APBB2: variants seen among roughly 807,000 people sequenced by gnomAD.
APBB2 encodes Fe65-like 1.
A neutral mutation model predicts 82.5 loss-of-function variants in APBB2; 38 were observed. The ratio of observed to expected loss-of-function variants is 0.46; its 90% confidence interval spans 0.36 to 0.60. The LOEUF is 0.60. Among genes scored for constraint, APBB2 ranks in the 20% least tolerant of loss-of-function variants. The pLI, the probability that APBB2 is intolerant of heterozygous loss-of-function variation, is 0.00. For missense variants in APBB2, 772 were observed against 972.3 expected, an observed-to-expected ratio of 0.79 and a Z score of 2.74; for synonymous variants, 341 against 368.2, an observed-to-expected ratio of 0.93 and a Z score of 0.85.
intron 7 of APBB2, 99 bp from the exon 8 acceptor site, chr4:40,935,238 G>T: frequency 1.1e-6 from 1 of 893,046 alleles, no homozygotes; most frequent in Non-Finnish European, 1.7e-6. Context: ...TGTTAGCATT[G>T]ATATTCACAA....
chr4:41,015,421 C>A (rs1319809954), intron 5 of APBB2, among the ~76,000 whole-genome samples: 1 of 152,170 alleles, frequency 6.6e-6, no homozygotes, highest in Admixed American at 6.5e-5. Flanking sequence ...ACCTCAGCAG[C>A]AGATGAACCA....
chr4:41,049,358 C>CAGCCAGCCCCCG (rs1724915071), intron 4 of APBB2, among the ~76,000 whole-genome samples: 2 of 149,502 alleles, frequency 1.3e-5, no homozygotes, highest in East Asian at 2.0e-4. Flanking sequence ...GGCAGCCGCC[C>CAGCCAGCCCCCG]CGTCCGGGAG....
chr4:40,911,062 G>A (rs1207833299), intron 10 of APBB2, among the ~76,000 whole-genome samples: 1 of 152,200 alleles, frequency 6.6e-6, no homozygotes, highest in Non-Finnish European at 1.5e-5. Context: ...ACCTTCCCCT[G>A]TGTCTTGGCT....
intron 4 of APBB2, among the ~76,000 whole-genome samples, chr4:41,043,361 C>T (rs1250437931): frequency 6.6e-6 from 1 of 151,892 alleles, no homozygotes; most frequent in Non-Finnish European, 1.5e-5. Context: ...AAGATATTTA[C>T]TAAATAACAC....
chr4:41,054,751 A>T (rs1727238694), intron 4 of APBB2, among the ~76,000 whole-genome samples: 1 of 151,868 alleles, frequency 6.6e-6, no homozygotes, highest in Non-Finnish European at 1.5e-5. Context: ...GTTGCTGTGA[A>T]CTCTGATCAC....
At chr4:41,036,197 T>C (rs1273216975) in intron 4 of APBB2, among the ~76,000 whole-genome samples, 3 of 152,110 alleles carry the variant, frequency 2.0e-5, no homozygotes, top group Non-Finnish European at 4.4e-5. Context: ...CAGGAGGATG[T>C]TGCATAGATT....
intron 10 of APBB2, among the ~76,000 whole-genome samples, chr4:40,933,209 C>A (rs1332667507): frequency 6.6e-6 from 1 of 152,154 alleles, no homozygotes; most frequent in African/African-American, 2.4e-5. Context: ...ATCCCTCAGG[C>A]ATGGGGATAC....
intron 10 of APBB2, among the ~76,000 whole-genome samples, chr4:40,928,913 CGAACGAATGAAT>C (rs922113004): frequency 6.7e-6 from 1 of 149,488 alleles, no homozygotes; most frequent in Non-Finnish European, 1.5e-5. Context: ...AATGAATGAA[CGAACGAATGAAT>C]ACATGCATAG....
chr4:41,031,256 AAATT>A (rs1319212072), intron 5 of APBB2, among the ~76,000 whole-genome samples: 1 of 151,020 alleles, frequency 6.6e-6, no homozygotes, highest in East Asian at 1.9e-4. Flanking sequence ...ATAAATAAAT[AAATT>A]CTGGCATGTT....
intron 6 of APBB2, among the ~76,000 whole-genome samples, chr4:40,972,015 G>A (rs1363409943): frequency 5.3e-5 from 8 of 151,998 alleles, no homozygotes; most frequent in Admixed American, 3.9e-4. Flanking sequence ...CTCTAACATC[G>A]AACAAAAGTG....
At chr4:41,205,619 T>A (rs1298971734) in intron 1 of APBB2, among the ~76,000 whole-genome samples, 1 of 152,170 alleles carries the variant, frequency 6.6e-6, no homozygotes, top group Non-Finnish European at 1.5e-5. Flanking sequence ...CACCAAAGCA[T>A]ACTTACAGGT....
At chr4:41,075,066 G>A (rs537559817) in intron 3 of APBB2, among the ~76,000 whole-genome samples, 2 of 152,124 alleles carry the variant, frequency 1.3e-5, no homozygotes, top group South Asian at 2.1e-4. Context: ...CCAGGAGGGC[G>A]ATGCTGCAAT....
chr4:41,168,553 T>C (rs532943628), intron 1 of APBB2, among the ~76,000 whole-genome samples: 2 of 152,176 alleles, frequency 1.3e-5, no homozygotes, highest in South Asian at 4.2e-4. Flanking sequence ...TATAACTTTG[T>C]TTTCCTAGTA....
At chr4:41,078,222 G>T (rs942079766) in intron 3 of APBB2, among the ~76,000 whole-genome samples, 1 of 151,860 alleles carries the variant, frequency 6.6e-6, no homozygotes, top group African/African-American at 2.4e-5. Context: ...AAAAATTCAA[G>T]AATTACCAAT....
intron 6 of APBB2, among the ~76,000 whole-genome samples, chr4:41,004,004 C>T (rs757164439): frequency 4.6e-5 from 7 of 152,078 alleles, no homozygotes; most frequent in Admixed American, 6.5e-5. Context: ...TGAGCCACCA[C>T]GCCCAGCCTG....
At chr4:40,975,788 A>ACACACACACACAC (rs775891926) in intron 6 of APBB2, among the ~76,000 whole-genome samples, 1 of 146,606 alleles carries the variant, frequency 6.8e-6, no homozygotes, top group Non-Finnish European at 1.5e-5. Flanking sequence ...ACACACACAC[A>ACACACACACACAC]CAACAACCAC....
At chr4:40,838,560 C>T (rs1754787383) in intron 12 of APBB2, among the ~76,000 whole-genome samples, 1 of 152,190 alleles carries the variant, frequency 6.6e-6, no homozygotes, top group Non-Finnish European at 1.5e-5. Flanking sequence ...TGGTCTCGAT[C>T]TCCTGACCTC....
intron 1 of APBB2, among the ~76,000 whole-genome samples, chr4:41,195,698 C>G: frequency 6.6e-6 from 1 of 152,164 alleles, no homozygotes; most frequent in Non-Finnish European, 1.5e-5. Context: ...AGGTTGTTTT[C>G]CCACCTTCAG....
chr4:40,874,957 GA>G (rs1262259979), intron 12 of APBB2, among the ~76,000 whole-genome samples: 1 of 152,000 alleles, frequency 6.6e-6, no homozygotes, highest in Non-Finnish European at 1.5e-5. Context: ...GAGTAGTAAA[GA>G]AAAAAAATCA....
Sources: allele counts gnomAD v4.1 joint callset (sites outside exome capture counted in the v4.1 genomes callset), GRCh38; gene constraint gnomAD v4.1.1; transcripts MANE v1.5; gene names NCBI Gene and HGNC (gene_info 2026-07-23, HGNC 2026-07-21).